The following URB1 variants were observed in gnomAD, a reference collection of about 807,000 sequenced individuals.
URB1 encodes the protein nucleolar pre-ribosomal-associated protein 1.
In URB1, 197 loss-of-function variants were observed where a neutral mutation model predicts 242.3. The ratio of observed to expected loss-of-function variants is 0.81; its 90% CI spans 0.72 to 0.91. The LOEUF is 0.91. URB1 is among the 40% of genes least tolerant of loss of function. The pLI, the probability that URB1 is intolerant of heterozygous loss-of-function variation, is 0.00. For missense variants in URB1, 2,721 were observed against 2,860.5 expected, an observed-to-expected ratio of 0.95 and a Z score of 1.11; for synonymous variants, 1,153 against 1,201.8, an observed-to-expected ratio of 0.96 and a Z score of 0.84.
At chr21:32,352,564 C>A in intron 19 of URB1, 146 bp downstream of exon 19, 1 of 863,868 alleles carries the variant, frequency 1.2e-6, no homozygotes, top group Non-Finnish European at 1.8e-6. Flanking sequence ...TACTTAGCTT[C>A]CTCTCTTATG....
At chr21:32,360,541 C>T (rs1039294003) in intron 13 of URB1, among the ~76,000 whole-genome samples, 7 of 152,176 alleles carry the variant, frequency 4.6e-5, no homozygotes, top group African/African-American at 1.7e-4. Flanking sequence ...ACAAACTTTA[C>T]CATCCAGGAA....
At position 32,314,529 on chromosome 21, in the gene URB1, C is replaced by A; in HGVS notation, c.*389G>T. On this transcript the variant is annotated 3_prime_UTR_variant, in exon 39 of 39. Coordinates refer to ENST00000382751, the MANE Select transcript of URB1 (RefSeq NM_014825.3). ...CTCTCTTCGTTTTCATAAAAAAAAT[C>A]TGATACCTTTTGACATTTCAGCTTT... 6 of 1,604,150 alleles carry A rather than the reference C, an allele frequency of 3.7e-6. No individual in the cohort carries two copies. The highest frequency in any genetic ancestry group is 4.3e-6 in the Non-Finnish European group (5 of 1,170,842).
chr21:32,338,945 A>C (rs888679744), intron 25 of URB1, 45 bp from the exon 26 acceptor site: 1 of 1,454,802 alleles, frequency 6.9e-7, no homozygotes, highest in African/African-American at 1.4e-5. Flanking sequence ...CTAAAAGGAA[A>C]ATTTATTTTA....
At chr21:32,372,270 T>A (rs900225881) in intron 8 of URB1, among the ~76,000 whole-genome samples, 1 of 152,254 alleles carries the variant, frequency 6.6e-6, no homozygotes, top group African/African-American at 2.4e-5. Flanking sequence ...AGCACCTCCC[T>A]GGGTGAAATA....
chr21:32,339,554 G>C (rs1256522366), intron 25 of URB1, among the ~76,000 whole-genome samples: 1 of 147,126 alleles, frequency 6.8e-6, no homozygotes, highest in Non-Finnish European at 1.5e-5. Context: ...GCAGTGGCAT[G>C]ATCTTGGCTC....
chr21:32,386,921 G>C (rs2146057391), intron 1 of URB1, among the ~76,000 whole-genome samples: 1 of 151,886 alleles, frequency 6.6e-6, no homozygotes, highest in East Asian at 1.9e-4. Flanking sequence ...CCACGAACTG[G>C]ATGATTCCTG....
chr21:32,357,221 A>G (rs2833786), intron 15 of URB1, among the ~76,000 whole-genome samples: 115,291 of 151,814 alleles, frequency 0.76, 44,765 homozygotes, highest in Non-Finnish European at 0.86. Context: ...GGATAACGCC[A>G]GAGCCTGAGA....
intron 13 of URB1, among the ~76,000 whole-genome samples, 158 bp from the exon 14 acceptor site, chr21:32,360,066 C>A (rs1259813202): frequency 6.6e-6 from 1 of 152,226 alleles, no homozygotes; most frequent in Non-Finnish European, 1.5e-5. Flanking sequence ...TCACATGGCA[C>A]ATCTCGCCTG....
At chr21:32,345,281 T>C (rs2033073527) in intron 23 of URB1, 93 bp downstream of exon 23, 1 of 1,348,724 alleles carries the variant, frequency 7.4e-7, no homozygotes, top group Non-Finnish European at 1.0e-6. Flanking sequence ...GGCACAACAG[T>C]AATGCAGCAG....
Position 32,349,428 on chromosome 21 carries a change from C to A in URB1, c.2888G>T (p.Arg963Leu). ...LLQLFLDLLRRLVVHCEQLDA... is the reference protein window; with the variant it reads ...LLQLFLDLLRLLVVHCEQLDA... ...CAGCTGCTCACAGTGGACAACCAGG[C>A]GCCTGAGGAGATCCAGGAAGAGCTG... is the stretch of plus-strand genomic sequence containing the variant. The change falls in exon 21 of 39, where the codon CGC (arginine) becomes CTC (leucine). Residue 963 changes from arginine (R) to leucine (L), a missense_variant. By Grantham distance (102) the Arg-to-Leu change is moderately radical (BLOSUM62 -2). Transcript: ENST00000382751. 6.4e-7 allele frequency: 1 copy of A among 1,551,326 alleles called. No homozygotes were observed. Among genetic ancestry groups the A allele is most frequent in the Non-Finnish European group, 8.7e-7 (1 of 1,146,928 alleles).
At chr21:32,329,507 T>C (rs761948642) in intron 30 of URB1, among the ~76,000 whole-genome samples, 1 of 152,246 alleles carries the variant, frequency 6.6e-6, no homozygotes, top group Non-Finnish European at 1.5e-5. Flanking sequence ...GTGTGAATTA[T>C]GAGCTGTAGA....
At chr21:32,349,950 C>A (rs1447196067) in intron 20 of URB1, among the ~76,000 whole-genome samples, 8 of 151,774 alleles carry the variant, frequency 5.3e-5, no homozygotes, top group African/African-American at 1.9e-4. Context: ...CAAAAATTAG[C>A]CAGGCGTGTT....
chr21:32,368,656 A>C, intron 8 of URB1, 58 bp from the exon 9 acceptor site: 2 of 1,420,206 alleles, frequency 1.4e-6, no homozygotes, highest in Non-Finnish European at 9.5e-7. Context: ...GCACCCTGAG[A>C]GCTCATGGTG....
intron 19 of URB1, 88 bp from the exon 20 acceptor site, chr21:32,351,010 G>T: frequency 1.5e-6 from 2 of 1,327,446 alleles, no homozygotes; most frequent in Non-Finnish European, 2.1e-6. Flanking sequence ...CACAACAAAC[G>T]GACATTTCAC....
At chr21:32,375,871 C>T (rs2033453719) in intron 5 of URB1, among the ~76,000 whole-genome samples, 1 of 152,004 alleles carries the variant, frequency 6.6e-6, no homozygotes, top group Admixed American at 6.6e-5. Context: ...GTGGCAGGAT[C>T]ACCAGTACCC....
At chr21:32,385,233 T>C (rs2033570879) in intron 2 of URB1, among the ~76,000 whole-genome samples, 1 of 152,256 alleles carries the variant, frequency 6.6e-6, no homozygotes, top group Non-Finnish European at 1.5e-5. Flanking sequence ...TGTGAGTCTG[T>C]GACACCACAT....
intron 30 of URB1, among the ~76,000 whole-genome samples, chr21:32,330,351 T>C (rs2032879888): frequency 6.6e-6 from 1 of 152,088 alleles, no homozygotes; most frequent in African/African-American, 2.4e-5. Context: ...CAAATTTTTC[T>C]ACCTGTATTA....
At chr21:32,342,636 T>C (rs1352325967) in intron 24 of URB1, among the ~76,000 whole-genome samples, 1 of 6,540 alleles carries the variant, frequency 1.5e-4, no homozygotes, top group Non-Finnish European at 2.9e-4. Flanking sequence ...AACCTGGTGG[T>C]CTCCTGCTCC....
chr21:32,334,379 G>A, intron 28 of URB1, 45 bp from the exon 29 acceptor site: 1 of 1,506,954 alleles, frequency 6.6e-7, no homozygotes, highest in Non-Finnish European at 8.9e-7. Context: ...GAGCCCCCCG[G>A]GAACAGAATT....
Sources: allele counts gnomAD v4.1 joint callset (sites outside exome capture counted in the v4.1 genomes callset), GRCh38; gene constraint gnomAD v4.1.1; transcripts MANE v1.5; gene names NCBI Gene and HGNC (gene_info 2026-07-23, HGNC 2026-07-21).